Variants in CCT2 observed in about 807,000 individuals in gnomAD.
CCT2 encodes chaperonin containing TCP1 subunit 2, also known as T-complex protein 1 subunit beta.
In CCT2, 18 loss-of-function variants were observed where a neutral mutation model predicts 61.8. That is an observed-to-expected ratio of 0.29 (90% CI 0.20 to 0.43). The LOEUF is 0.43. Ranked by LOEUF, CCT2 falls within the 20% of genes least tolerant of loss-of-function variation. The pLI is 1.00. For missense variants in CCT2, 556 were observed against 656.9 expected (o/e 0.85, Z 1.68); for synonymous variants, 248 against 215.9 (o/e 1.15, Z -1.30).
chr12:69,589,058 A>T (rs771179189), intron 6 of CCT2: 43 of 168,602 alleles, frequency 2.6e-4, no homozygotes, highest in Admixed American at 7.3e-4. Flanking sequence ...CCTCCCAAGT[A>T]GCAGGGACTA....
chr12:69,589,820 A>G (rs898900708), intron 7 of CCT2, 133 bp downstream of exon 7: 17 of 686,140 alleles, frequency 2.5e-5, no homozygotes, highest in Admixed American at 8.1e-5. Flanking sequence ...CATATGTGCA[A>G]CCATTTTTGT....
chr12:69,597,472 T>G (rs1386579340), intron 11 of CCT2, among the ~76,000 whole-genome samples, 166 bp from the exon 12 acceptor site: 1 of 152,260 alleles, frequency 6.6e-6, no homozygotes, highest in Non-Finnish European at 1.5e-5. Flanking sequence ...TTCAACAGTT[T>G]TTTTTCCTTG....
intron 7 of CCT2, among the ~76,000 whole-genome samples, chr12:69,591,357 C>CAA (rs1881830104): frequency 6.6e-6 from 1 of 152,178 alleles, no homozygotes; most frequent in South Asian, 2.1e-4. Context: ...TCCTGTTTTA[C>CAA]AAATTAGCAT....
chr12:69,585,677 G>GCAC (rs1196726072), intron 1 of CCT2, 153 bp downstream of exon 1: 1 of 1,517,670 alleles, frequency 6.6e-7, no homozygotes. Flanking sequence ...CGTGCGGCCT[G>GCAC]CGCCAGGCCA....
chr12:69,587,911 AACT>A lies in CCT2; in HGVS notation c.257-17_257-15del. 1.3e-6 allele frequency: 2 copies of A among 1,579,464 alleles called. No individual in the cohort carries two copies. Among genetic ancestry groups the A allele is most frequent in the Non-Finnish European group, 1.7e-6 (2 of 1,148,700 alleles). ...AGCAAAGAAGCAATTTTGAGTTAAT[AACT>A]AATTTCTTTTTCTAGATATGTCAAG... On this transcript the variant is annotated splice_polypyrimidine_tract_variant and intron_variant, in intron 4 of 15. Coordinates refer to ENST00000299300, the MANE Select transcript of CCT2 (RefSeq NM_006431.3).
intron 10 of CCT2, among the ~76,000 whole-genome samples, chr12:69,594,773 G>A (rs1277725288): frequency 6.6e-6 from 1 of 151,460 alleles, no homozygotes; most frequent in Non-Finnish European, 1.5e-5. Flanking sequence ...TTCAGCCCAG[G>A]AGTCCAAGGC....
chr12:69,586,185 A>C (rs1881648456), intron 1 of CCT2, 85 bp from the exon 2 acceptor site: 1 of 1,157,488 alleles, frequency 8.6e-7, no homozygotes, highest in Non-Finnish European at 1.3e-6. Flanking sequence ...TTAGATGTCC[A>C]CTTGTAAGAC....
chr12:69,586,899 G>A (rs1881681527), intron 3 of CCT2, 81 bp downstream of exon 3: 3 of 852,140 alleles, frequency 3.5e-6, no homozygotes, highest in South Asian at 1.8e-5. Flanking sequence ...GTATTAAAAT[G>A]CTTTTTAATC....
At chr12:69,586,028 C>A in intron 1 of CCT2, 2 of 1,375,526 alleles carry the variant, frequency 1.5e-6, no homozygotes, top group Non-Finnish European at 1.9e-6. Flanking sequence ...CTGTCAATCT[C>A]GCTGGTGTAT....
At chr12:69,595,196 C>T (rs1881951215) in intron 10 of CCT2, among the ~76,000 whole-genome samples, 1 of 152,128 alleles carries the variant, frequency 6.6e-6, no homozygotes. Context: ...CCAGAATGAT[C>T]TCTTAAGACG....
chr12:69,598,537 CT>C, intron 14 of CCT2, 116 bp downstream of exon 14: 2 of 531,736 alleles, frequency 3.8e-6, no homozygotes, highest in Non-Finnish European at 6.5e-6. Flanking sequence ...CTCTTTTGGA[CT>C]TTGTCCTCAT....
intron 8 of CCT2, 95 bp downstream of exon 8, chr12:69,592,254 T>A (rs1881856836): frequency 1.6e-6 from 1 of 621,524 alleles, no homozygotes; most frequent in Non-Finnish European, 2.9e-6. Flanking sequence ...AGGTGGTGGA[T>A]CATCTGAGAT....
intron 15 of CCT2, among the ~76,000 whole-genome samples, chr12:69,600,927 T>C (rs1429821416): frequency 1.3e-5 from 2 of 152,200 alleles, no homozygotes; most frequent in African/African-American, 4.8e-5. Flanking sequence ...AGGTGCTTCT[T>C]GTTGGTGGGG....
intron 15 of CCT2, 139 bp downstream of exon 15, chr12:69,600,143 A>T (rs939833532): frequency 6.7e-5 from 54 of 806,396 alleles, no homozygotes; most frequent in Non-Finnish European, 9.7e-5. Context: ...AAAATATCAC[A>T]ACTCTTAACA....
chr12:69,595,538 A>G (rs1451832699), intron 10 of CCT2, among the ~76,000 whole-genome samples: 1 of 152,066 alleles, frequency 6.6e-6, no homozygotes, highest in Non-Finnish European at 1.5e-5. Context: ...AAATAAAAAA[A>G]TTAGCCAGGC....
intron 9 of CCT2, among the ~76,000 whole-genome samples, 173 bp from the exon 10 acceptor site, chr12:69,593,337 T>C (rs539249032): frequency 6.6e-6 from 1 of 152,348 alleles, no homozygotes; most frequent in South Asian, 2.1e-4. Flanking sequence ...ATACTAGTAA[T>C]GGATGCATTA....
At chr12:69,586,378 A>G (rs768256957) in intron 2 of CCT2, 34 bp downstream of exon 2, 1 of 1,500,528 alleles carries the variant, frequency 6.7e-7, no homozygotes, top group Non-Finnish European at 9.3e-7. Flanking sequence ...TTTAAAGATA[A>G]AACTGGAGGC....
chr12:69,586,308 A>G lies in CCT2; in HGVS notation c.42A>G (p.Ala14=). Residue 14 remains alanine (A), a synonymous_variant, in exon 2 of 16, where the codon GCA becomes GCG. Coordinates refer to ENST00000299300, the MANE Select transcript of CCT2 (RefSeq NM_006431.3). ...TTGCACCTGTTAACATCTTTAAGGCAGGAGCTGATGAAGAGAGAGCAGAGA... is the reference window on the plus strand; with the variant it reads ...TTGCACCTGTTAACATCTTTAAGGCGGGAGCTGATGAAGAGAGAGCAGAGA... The part of the protein sequence containing the change: ...LSLAPVNIFK[A]GADEERAETA... The G allele has an allele frequency of 1.2e-6, 2 of 1,613,800 alleles. No homozygotes were observed. Among genetic ancestry groups the G allele is most frequent in the Non-Finnish European group, 1.7e-6 (2 of 1,179,684 alleles).
At chr12:69,588,520 CTT>C in intron 6 of CCT2, 1 of 295,518 alleles carries the variant, frequency 3.4e-6, no homozygotes, top group Non-Finnish European at 6.3e-6. Context: ...TTGTTAGCCT[CTT>C]TTTAACCTAG....
Sources: gnomAD v4.1 joint callset for allele counts (sites outside exome capture counted in the v4.1 genomes callset) on GRCh38, gnomAD v4.1.1 for gene constraint, MANE v1.5 for transcripts, NCBI Gene and HGNC (gene_info 2026-07-23, HGNC 2026-07-21) for gene names.